The following GRIN2B variants were observed in gnomAD, a reference collection of about 807,000 sequenced individuals.
The protein encoded by GRIN2B is glutamate receptor ionotropic, NMDA 2B.
A neutral mutation model predicts 114.5 loss-of-function variants in GRIN2B; 5 were observed. The observed-to-expected ratio is 0.04, with a 90% CI of 0.02 to 0.09. GRIN2B has a LOEUF of 0.09. Ranked by LOEUF, GRIN2B falls within the 10% of genes least tolerant of loss-of-function variation. The probability of loss-of-function intolerance (pLI) is 1.00; values close to 1 mark genes in which losing one functional copy is unlikely to be tolerated. For synonymous variants in GRIN2B, 787 were observed against 745.1 expected, an observed-to-expected ratio of 1.06 and a Z score of -0.92; for missense variants, 1,108 against 1,943.5, an observed-to-expected ratio of 0.57 and a Z score of 8.08.
At chr12:13,640,241 G>A (rs1283749263) in intron 5 of GRIN2B, among the ~76,000 whole-genome samples, 1 of 152,034 alleles carries the variant, frequency 6.6e-6, no homozygotes, top group Non-Finnish European at 1.5e-5. Flanking sequence ...ACAGAGCAAG[G>A]CCCTGTCTCT....
In GRIN2B at chr12:13,547,532, C is replaced by T. The variant is rs1011631615; in HGVS notation, c.*15251G>A. ...GATATTTAGCAATTAGAATGTTTGA[C>T]TGGCAATGGCCAGGTAGATTTCACC... On this transcript the variant is annotated 3_prime_UTR_variant, in exon 14 of 14. Transcript: ENST00000609686. 1.3e-5 allele frequency: 2 copies of T among 152,100 alleles called. No individual in the cohort carries two copies. Among genetic ancestry groups the T allele is most frequent in the African/African-American group, 4.8e-5 (2 of 41,414 alleles). The allele number at this position is 152,100 out of a possible 1,614,324, so 9.4% of individuals were successfully genotyped here.
At chr12:13,678,960 A>C (rs1040843685) in intron 4 of GRIN2B, among the ~76,000 whole-genome samples, 12 of 151,988 alleles carry the variant, frequency 7.9e-5, no homozygotes, top group African/African-American at 2.9e-4. Flanking sequence ...CTATTTTGAA[A>C]GGAGGAAGGA....
intron 2 of GRIN2B, among the ~76,000 whole-genome samples, chr12:13,900,472 T>A (rs1314169975): frequency 6.7e-6 from 1 of 149,446 alleles, no homozygotes; most frequent in Non-Finnish European, 1.5e-5. Context: ...TGAAACTCCA[T>A]CTCAAAAAAA....
intron 2 of GRIN2B, among the ~76,000 whole-genome samples, chr12:13,923,892 A>G (rs770091338): frequency 1.1e-4 from 16 of 152,186 alleles, no homozygotes; most frequent in Non-Finnish European, 2.4e-4. Flanking sequence ...TGTCTCCATG[A>G]CAACTCACCT....
intron 4 of GRIN2B, among the ~76,000 whole-genome samples, chr12:13,676,866 T>C (rs1193859340): frequency 6.6e-6 from 1 of 152,110 alleles, no homozygotes; most frequent in Non-Finnish European, 1.5e-5. Context: ...TACTAAGGAA[T>C]GGGAAAAGGT....
At chr12:13,668,124 G>A (rs923120049) in intron 5 of GRIN2B, among the ~76,000 whole-genome samples, 2 of 152,114 alleles carry the variant, frequency 1.3e-5, no homozygotes, top group Non-Finnish European at 1.5e-5. Context: ...TTTTGGCTTT[G>A]GGAACACTTT....
intron 4 of GRIN2B, among the ~76,000 whole-genome samples, chr12:13,708,604 T>A (rs975743142): frequency 1.3e-5 from 2 of 152,098 alleles, no homozygotes; most frequent in African/African-American, 4.8e-5. Flanking sequence ...AGACATTGAA[T>A]TTGTGGGGTT....
At chr12:13,877,262 G>C (rs1157430600) in intron 2 of GRIN2B, among the ~76,000 whole-genome samples, 1 of 152,130 alleles carries the variant, frequency 6.6e-6, no homozygotes, top group Non-Finnish European at 1.5e-5. Flanking sequence ...TTTAAAACAA[G>C]CTTTTGAGAC....
intron 5 of GRIN2B, among the ~76,000 whole-genome samples, chr12:13,668,985 G>A (rs918550797): frequency 7.2e-6 from 1 of 138,820 alleles, no homozygotes; most frequent in South Asian, 2.7e-4. Flanking sequence ...GAGAGGAGGT[G>A]GAGAGGGAAT....
chr12:13,863,247 G>A (rs1053528897), intron 3 of GRIN2B, among the ~76,000 whole-genome samples: 1 of 152,094 alleles, frequency 6.6e-6, no homozygotes, highest in African/African-American at 2.4e-5. Flanking sequence ...ACACTTAAGC[G>A]CTCCACCATT....
At chr12:13,938,635 T>G (rs898015556) in intron 2 of GRIN2B, among the ~76,000 whole-genome samples, 29 of 152,332 alleles carry the variant, frequency 1.9e-4, no homozygotes, top group African/African-American at 6.5e-4. Flanking sequence ...TTCAAAAGAT[T>G]ACATAGTGTG....
chr12:13,572,933 T>C lies in GRIN2B; in HGVS notation c.2011-969A>G, dbSNP rs115860261. 2.9e-3 allele frequency among the ~76,000 whole-genome samples: 443 copies of C among 152,336 alleles called. 2 individuals carry two copies. Among genetic ancestry groups the C allele is most frequent in the African/African-American group, 0.01 (416 of 41,580 alleles). ...GTTTAGATCACTGTAATCCTACACA[T>C]GCAATTACTCTCTAAATGTGCTAGC... On this transcript the variant is annotated intron_variant, in intron 10 of 13. Coordinates refer to ENST00000609686, the MANE Select transcript of GRIN2B (RefSeq NM_000834.5).
At chr12:13,616,234 A>T (rs1482558176) in intron 6 of GRIN2B, among the ~76,000 whole-genome samples, 1 of 152,198 alleles carries the variant, frequency 6.6e-6, no homozygotes, top group East Asian at 1.9e-4. Flanking sequence ...GACCGAAGAA[A>T]CTTTAGCGTG....
chr12:13,614,016 C>CAAAAAAAAAAAAAAAAAAAA (rs77527098), intron 8 of GRIN2B, among the ~76,000 whole-genome samples: 1 of 92,912 alleles, frequency 1.1e-5, no homozygotes, highest in Non-Finnish European at 2.1e-5. Flanking sequence ...CCTTGCACAG[C>CAAAAAAAAAAAAAAAAAAAA]AAAAAAAAAA....
In GRIN2B at chr12:13,550,365, A is replaced by G. The variant is rs1027772961; in HGVS notation, c.*12418T>C. 1 of 152,152 alleles carries G rather than the reference A, an allele frequency of 6.6e-6. No individual in the cohort carries two copies. Among genetic ancestry groups the G allele is most frequent in the African/African-American group, 2.4e-5 (1 of 41,424 alleles). The allele number at this position is 152,152 out of a possible 1,614,324, so 9.4% of individuals were successfully genotyped here. On this transcript the variant is annotated 3_prime_UTR_variant, in exon 14 of 14. Coordinates refer to ENST00000609686, the MANE Select transcript of GRIN2B (RefSeq NM_000834.5). ...GTGCCTCTTTACATGGGAATAAGCTAAAAATGCTCGAGAAATGACTCTTCA... is the reference window on the plus strand; with the variant it reads ...GTGCCTCTTTACATGGGAATAAGCTGAAAATGCTCGAGAAATGACTCTTCA...
chr12:13,739,882 C>T (rs192882906), intron 4 of GRIN2B, among the ~76,000 whole-genome samples: 5 of 152,254 alleles, frequency 3.3e-5, no homozygotes, highest in East Asian at 3.9e-4. Context: ...TAGCACCGGG[C>T]GTCATGGCAA....
chr12:13,824,348 C>T (rs764297865), intron 3 of GRIN2B, among the ~76,000 whole-genome samples: 12 of 152,042 alleles, frequency 7.9e-5, no homozygotes, highest in Non-Finnish European at 1.5e-4. Context: ...AGTTAACTTT[C>T]GTAGTTTTCT....
intron 4 of GRIN2B, among the ~76,000 whole-genome samples, chr12:13,708,208 G>T (rs1022937659): frequency 6.6e-5 from 10 of 152,058 alleles, no homozygotes; most frequent in African/African-American, 2.4e-4. Context: ...TTCTCTTTGA[G>T]GCTGGGTAAT....
intron 3 of GRIN2B, among the ~76,000 whole-genome samples, chr12:13,856,542 G>A (rs79870564): frequency 0.021 from 3,236 of 152,140 alleles, 66 homozygotes; most frequent in Middle Eastern, 0.054. Context: ...CGTTACTGTC[G>A]GAGGGGAAGG....
Sources: allele counts gnomAD v4.1 joint callset (sites outside exome capture counted in the v4.1 genomes callset), GRCh38; gene constraint gnomAD v4.1.1; transcripts MANE v1.5; gene names NCBI Gene and HGNC (gene_info 2026-07-23, HGNC 2026-07-21).